Variants in NAV3 observed in about 807,000 individuals in gnomAD.
NAV3 encodes the protein neuron navigator 3.
NAV3 carries 87 observed loss-of-function variants against 244.7 expected under a neutral mutation model. That is an observed-to-expected ratio of 0.36 (90% CI 0.30 to 0.42). The LOEUF (loss-of-function observed/expected upper bound fraction) is 0.42. NAV3 is among the 20% of genes least tolerant of loss of function. The probability of loss-of-function intolerance (pLI) is 1.00; values close to 1 mark genes in which losing one functional copy is unlikely to be tolerated. For missense variants in NAV3, 2,663 were observed against 2,893.3 expected (o/e 0.92, Z 1.83); for synonymous variants, 1,126 against 1,042.2 (o/e 1.08, Z -1.55).
At chr12:78,112,732 T>A (rs1384360467) in intron 12 of NAV3, among the ~76,000 whole-genome samples, 2 of 152,068 alleles carry the variant, frequency 1.3e-5, no homozygotes, top group Admixed American at 6.5e-5. Flanking sequence ...ACCATTTCAT[T>A]CCACCTCTGA....
chr12:78,093,412 A>T (rs1350088910), intron 12 of NAV3, among the ~76,000 whole-genome samples: 1 of 152,226 alleles, frequency 6.6e-6, no homozygotes, highest in African/African-American at 2.4e-5. Context: ...AAATAAATCA[A>T]TTATGGAGTA....
At chr12:77,761,597 C>T (rs774094618) in intron 2 of NAV3, among the ~76,000 whole-genome samples, 9 of 151,952 alleles carry the variant, frequency 5.9e-5, no homozygotes, top group Non-Finnish European at 1.3e-4. Flanking sequence ...ACAAACAACC[C>T]CATCAAAAAG....
intron 2 of NAV3, among the ~76,000 whole-genome samples, chr12:77,801,817 A>G (rs1457433025): frequency 1.3e-5 from 2 of 152,166 alleles, no homozygotes; most frequent in African/African-American, 4.8e-5. Flanking sequence ...CTCTGCCTGT[A>G]ACTGACTTGG....
intron 9 of NAV3, among the ~76,000 whole-genome samples, chr12:78,035,034 T>C (rs182501905): frequency 5.3e-5 from 8 of 152,320 alleles, no homozygotes; most frequent in African/African-American, 1.9e-4. Context: ...AATTTCCTTT[T>C]CATATCTATA....
intron 3 of NAV3, among the ~76,000 whole-genome samples, chr12:77,964,851 A>C (rs954823981): frequency 1.3e-5 from 2 of 152,086 alleles, no homozygotes; most frequent in African/African-American, 4.8e-5. Flanking sequence ...GGTCATTTTT[A>C]AGCAAACAGC....
chr12:77,642,853 C>T (rs1205617766), intron 2 of NAV3, among the ~76,000 whole-genome samples: 1 of 152,000 alleles, frequency 6.6e-6, no homozygotes, highest in Non-Finnish European at 1.5e-5. Flanking sequence ...TACTCTTATA[C>T]TAGTTTATTA....
chr12:77,588,883 T>G (rs1175318814), intron 2 of NAV3, among the ~76,000 whole-genome samples: 1 of 152,192 alleles, frequency 6.6e-6, no homozygotes, highest in Non-Finnish European at 1.5e-5. Context: ...CCTTTTGGTC[T>G]AGAGTTTTAG....
At chr12:77,961,260 CAT>C (rs1202644689) in intron 3 of NAV3, among the ~76,000 whole-genome samples, 2 of 98,820 alleles carry the variant, frequency 2.0e-5, no homozygotes, top group Non-Finnish European at 4.7e-5. Flanking sequence ...AAGTATATGT[CAT>C]ATATTACATA....
At chr12:78,054,143 G>T (rs548434396) in intron 11 of NAV3, among the ~76,000 whole-genome samples, 1 of 152,010 alleles carries the variant, frequency 6.6e-6, no homozygotes, top group Admixed American at 6.6e-5. Flanking sequence ...ATAAGAAAAA[G>T]AAACATTTTA....
At chr12:77,702,330 C>G (rs145749412) in intron 2 of NAV3, among the ~76,000 whole-genome samples, 136 of 152,018 alleles carry the variant, frequency 8.9e-4, no homozygotes, top group African/African-American at 3.1e-3. Context: ...TTATTCTCTA[C>G]CTTTCTGTCC....
intron 1 of NAV3, among the ~76,000 whole-genome samples, chr12:77,916,610 A>G (rs1238169997): frequency 6.6e-6 from 1 of 152,040 alleles, no homozygotes; most frequent in Non-Finnish European, 1.5e-5. Context: ...AGTAAAAGGT[A>G]TTTTAACCTA....
intron 2 of NAV3, among the ~76,000 whole-genome samples, chr12:77,614,068 TTCTC>T (rs1319228297): frequency 7.5e-5 from 11 of 146,718 alleles, no homozygotes; most frequent in East Asian, 2.0e-4. Context: ...TTTCTTTTCT[TTCTC>T]TCTTTTTTTT....
chr12:78,026,611 T>C lies in NAV3; in HGVS notation c.2023+4749T>C, dbSNP rs569598547. On this transcript the variant is annotated intron_variant, in intron 9 of 39. Coordinates refer to ENST00000397909, the MANE Select transcript of NAV3 (RefSeq NM_001024383.2). ...CAGTACTTGAACTCTTGTTATTTTC[T>C]CAGAAATTCAGAAACTGAAAAAATT... 3.9e-5 allele frequency among the ~76,000 whole-genome samples: 6 copies of C among 152,308 alleles called. No individual in the cohort carries two copies. The South Asian group carries it at 1.2e-3, about 32-fold the overall frequency.
intron 12 of NAV3, among the ~76,000 whole-genome samples, chr12:78,067,997 G>C (rs1039849989): frequency 9.9e-5 from 15 of 151,984 alleles, no homozygotes; most frequent in African/African-American, 3.6e-4. Flanking sequence ...AGAGGAGGAG[G>C]AAGAGGAGGA....
At chr12:78,137,924 A>G (rs1593744464) in intron 19 of NAV3, among the ~76,000 whole-genome samples, 1 of 152,280 alleles carries the variant, frequency 6.6e-6, no homozygotes, top group East Asian at 1.9e-4. Flanking sequence ...CTATGTAAAT[A>G]CTCCAAATAA....
At chr12:77,692,133 T>C (rs1297174499) in intron 2 of NAV3, among the ~76,000 whole-genome samples, 1 of 151,970 alleles carries the variant, frequency 6.6e-6, no homozygotes, top group Non-Finnish European at 1.5e-5. Context: ...GCAATAAACA[T>C]TGATACATAT....
At chr12:77,659,066 A>C (rs1873286294) in intron 2 of NAV3, among the ~76,000 whole-genome samples, 1 of 152,030 alleles carries the variant, frequency 6.6e-6, no homozygotes, top group East Asian at 1.9e-4. Flanking sequence ...CTTCATGTCG[A>C]AAACACCAAA....
intron 2 of NAV3, among the ~76,000 whole-genome samples, chr12:77,802,883 G>T (rs935461868): frequency 6.6e-6 from 1 of 152,040 alleles, no homozygotes; most frequent in African/African-American, 2.4e-5. Context: ...TAGCCAGGAT[G>T]GTCTCGATCT....
At position 77,969,142 on chromosome 12, in the gene NAV3, A is replaced by ATGTG. The variant is rs3078729; in HGVS notation, c.671+465_671+468dup. ...GAAGTTTGGGAACATAGTGTTTTTGATGTGTGTGTGTGTGTGTGTGTGTGT... is the reference window on the plus strand; with the variant it reads ...GAAGTTTGGGAACATAGTGTTTTTGATGTGTGTGTGTGTGTGTGTGTGTGTGTGT... On this transcript the variant is annotated intron_variant, in intron 5 of 39. Transcript: ENST00000397909. Among the ~76,000 whole-genome samples the ATGTG allele has an allele frequency of 6.0e-3, 894 of 147,784 alleles. 8 individuals are homozygous for ATGTG. Among genetic ancestry groups the ATGTG allele is most frequent in the African/African-American group, 0.019 (770 of 39,734 alleles).
Sources: gnomAD v4.1 joint callset for allele counts (sites outside exome capture counted in the v4.1 genomes callset) on GRCh38, gnomAD v4.1.1 for gene constraint, MANE v1.5 for transcripts, NCBI Gene and HGNC (gene_info 2026-07-23, HGNC 2026-07-21) for gene names.